The following ASCC1 variants were observed in gnomAD, a reference collection of about 807,000 sequenced individuals.
ASCC1 encodes the protein activating signal cointegrator 1 complex subunit 1.
Under a neutral mutation model 46.6 loss-of-function variants are expected in ASCC1, and 35 were observed. That is an observed-to-expected ratio of 0.75 (90% CI 0.57 to 0.99). The LOEUF is 0.99. Ranked by LOEUF, ASCC1 falls within the 50% of genes least tolerant of loss-of-function variation. The probability of loss-of-function intolerance (pLI) is 0.00; values close to 1 mark genes in which losing one functional copy is unlikely to be tolerated. For missense variants in ASCC1, 376 were observed against 428.7 expected, an observed-to-expected ratio of 0.88 and a Z score of 1.09; for synonymous variants, 143 against 146.6, an observed-to-expected ratio of 0.98 and a Z score of 0.18.
chr10:72,113,145 G>C (rs1187900512), intron 9 of ASCC1, among the ~76,000 whole-genome samples: 6 of 152,058 alleles, frequency 3.9e-5, no homozygotes, highest in Non-Finnish European at 8.8e-5. Context: ...TATTTAGTAG[G>C]TATTCAATAA....
intron 7 of ASCC1, among the ~76,000 whole-genome samples, chr10:72,138,397 C>T (rs573131544): frequency 1.3e-5 from 2 of 152,166 alleles, no homozygotes; most frequent in East Asian, 1.9e-4. Flanking sequence ...CCACCTTTGT[C>T]TTTCTGGAAA....
intron 5 of ASCC1, among the ~76,000 whole-genome samples, chr10:72,165,362 C>T (rs1005086460): frequency 2.0e-5 from 3 of 152,140 alleles, no homozygotes; most frequent in Non-Finnish European, 2.9e-5. Context: ...GTGATCCACC[C>T]GCCTCAGCCT....
intron 6 of ASCC1, among the ~76,000 whole-genome samples, chr10:72,158,605 C>A (rs1419939031): frequency 6.6e-6 from 1 of 152,184 alleles, no homozygotes; most frequent in Non-Finnish European, 1.5e-5. Context: ...TAGCATCCTT[C>A]AAATTAAAAA....
intron 4 of ASCC1, among the ~76,000 whole-genome samples, chr10:72,200,246 G>A (rs544937393): frequency 6.6e-6 from 1 of 152,200 alleles, no homozygotes; most frequent in East Asian, 1.9e-4. Context: ...TATAACAAGT[G>A]TTAATAGCAA....
rs117888966 is a variant in ASCC1 at position 72,189,919 on chromosome 10, G to A, written c.489+6892C>T. The A allele has an allele frequency of 7.0e-3, 4,880 of 695,042 alleles. 180 individuals carry two copies. In the Admixed American group the frequency reaches 0.074, roughly 11 times the overall value. The allele number at this position is 695,042 out of a possible 1,614,324, so 43.1% of individuals were successfully genotyped here. On this transcript the variant is annotated intron_variant, in intron 5 of 9. Coordinates refer to ENST00000672957, the MANE Select transcript of ASCC1 (RefSeq NM_001198800.3). ...AGAAAGTACAGCCTTTCTGTCTGGCGGCAGCCATCAGGTAAGCCAAGACAA... is the reference window on the plus strand; with the variant it reads ...AGAAAGTACAGCCTTTCTGTCTGGCAGCAGCCATCAGGTAAGCCAAGACAA...
chr10:72,121,994 C>A (rs1416059425), intron 9 of ASCC1, among the ~76,000 whole-genome samples: 1 of 152,200 alleles, frequency 6.6e-6, no homozygotes, highest in African/African-American at 2.4e-5. Context: ...AGATCACATT[C>A]TGGGCCATAA....
intron 7 of ASCC1, among the ~76,000 whole-genome samples, chr10:72,142,565 C>T (rs1847150570): frequency 6.6e-6 from 1 of 151,834 alleles, no homozygotes; most frequent in Non-Finnish European, 1.5e-5. Flanking sequence ...CGGGGTTTCA[C>T]CATGTTGGCC....
intron 9 of ASCC1, among the ~76,000 whole-genome samples, chr10:72,124,323 AATGG>A: frequency 6.6e-6 from 1 of 152,200 alleles, no homozygotes; most frequent in Non-Finnish European, 1.5e-5. Flanking sequence ...TGTCTAAAGA[AATGG>A]CACTTTTACA....
chr10:72,171,190 C>T (rs929957371), intron 5 of ASCC1, among the ~76,000 whole-genome samples: 2 of 152,176 alleles, frequency 1.3e-5, no homozygotes, highest in Non-Finnish European at 2.9e-5. Flanking sequence ...GGTGCTATAA[C>T]AAATTACCAC....
Position 72,210,773 on chromosome 10 carries a change from T to G in ASCC1, c.171A>C (p.Gln57His). Reference protein sequence around the residue: ...CDAYEVEQTPQGFRSTLRAPS... With the variant: ...CDAYEVEQTPHGFRSTLRAPS... ...GGGCCCTCAAAGTAGACCGGAATCC[T>G]TGTGGGGTCTGCTCCACCTCGTAGG... Residue 57 changes from glutamine (Q) to histidine (H), a missense_variant, in exon 3 of 10, where the codon CAA becomes CAC. Physicochemically the swap from Gln to His is conservative, Grantham distance 24 (BLOSUM62 0). Coordinates refer to ENST00000672957, the MANE Select transcript of ASCC1 (RefSeq NM_001198800.3). The G allele has an allele frequency of 6.2e-7, 1 of 1,614,140 alleles. No individual in the cohort carries two copies. Among genetic ancestry groups the G allele is most frequent in the Middle Eastern group, 1.6e-4 (1 of 6,062 alleles).
intron 9 of ASCC1, among the ~76,000 whole-genome samples, chr10:72,107,036 G>A (rs190300880): frequency 2.6e-5 from 4 of 152,260 alleles, no homozygotes; most frequent in Non-Finnish European, 5.9e-5. Flanking sequence ...TATCATCACA[G>A]CCCTTGGAAG....
At chr10:72,213,464 C>A in intron 1 of ASCC1, 133 bp from the exon 2 acceptor site, 1 of 640,880 alleles carries the variant, frequency 1.6e-6, no homozygotes, top group South Asian at 1.6e-5. Flanking sequence ...GCACCATTTC[C>A]CATTGGATTT....
intron 5 of ASCC1, among the ~76,000 whole-genome samples, chr10:72,189,023 T>C (rs1242591286): frequency 6.6e-6 from 1 of 152,106 alleles, no homozygotes; most frequent in Non-Finnish European, 1.5e-5. Context: ...CCCAAAGTGC[T>C]GAGATTAGAA....
intron 4 of ASCC1, among the ~76,000 whole-genome samples, chr10:72,197,248 GATC>G (rs1855573941): frequency 6.6e-6 from 1 of 152,002 alleles, no homozygotes; most frequent in South Asian, 2.1e-4. Flanking sequence ...GAGACAGGTG[GATC>G]ACGAGGTCAG....
intron 6 of ASCC1, among the ~76,000 whole-genome samples, chr10:72,155,011 TAA>T (rs752703413): frequency 4.6e-5 from 7 of 152,262 alleles, no homozygotes; most frequent in African/African-American, 7.2e-5. Flanking sequence ...ACTGATATAA[TAA>T]GTTATATTTC....
At chr10:72,197,053 C>T in intron 4 of ASCC1, 64 bp from the exon 5 acceptor site, 2 of 1,501,686 alleles carry the variant, frequency 1.3e-6, no homozygotes. Context: ...AACAGGACCT[C>T]TTGATACTGT....
chr10:72,098,926 T>C (rs967388609), intron 9 of ASCC1, among the ~76,000 whole-genome samples: 2 of 152,242 alleles, frequency 1.3e-5, no homozygotes, highest in Non-Finnish European at 2.9e-5. Context: ...AATGGTTATC[T>C]GCTAATCCCT....
chr10:72,100,259 C>G (rs913391767), intron 9 of ASCC1, among the ~76,000 whole-genome samples: 1 of 150,622 alleles, frequency 6.6e-6, no homozygotes, highest in Non-Finnish European at 1.5e-5. Context: ...GACTCTCTCT[C>G]TCTCTGTCAC....
At chr10:72,216,108 G>C (rs1445642628) in intron 1 of ASCC1, 99 bp downstream of exon 1, 2 of 152,452 alleles carry the variant, frequency 1.3e-5, no homozygotes, top group Admixed American at 6.5e-5. Context: ...CTGGGGGTGG[G>C]GCTGTAGGGG....
Sources: gnomAD v4.1 joint callset for allele counts (sites outside exome capture counted in the v4.1 genomes callset) on GRCh38, gnomAD v4.1.1 for gene constraint, MANE v1.5 for transcripts, NCBI Gene and HGNC (gene_info 2026-07-23, HGNC 2026-07-21) for gene names.